The following FAM171A1 variants were observed in gnomAD, a reference collection of about 807,000 sequenced individuals.
FAM171A1 encodes protein FAM171A1.
FAM171A1 carries 23 observed loss-of-function variants against 74.9 expected under a neutral mutation model. The observed-to-expected ratio is 0.31, with a 90% CI of 0.22 to 0.44. The LOEUF (loss-of-function observed/expected upper bound fraction) is 0.44, where lower values mean the gene tolerates loss of function less well. FAM171A1 is among the 20% of genes least tolerant of loss of function. The pLI, the probability that FAM171A1 is intolerant of heterozygous loss-of-function variation, is 1.00. For missense variants in FAM171A1, 1,162 were observed against 1,159.2 expected (o/e 1.00, Z -0.03); for synonymous variants, 527 against 505.7 (o/e 1.04, Z -0.57).
chr10:15,265,329 G>A (rs897212151), intron 3 of FAM171A1, among the ~76,000 whole-genome samples: 4 of 151,954 alleles, frequency 2.6e-5, no homozygotes, highest in African/African-American at 9.7e-5. Context: ...AAGAAAATAA[G>A]TGGGTTGGGT....
chr10:15,324,451 G>A (rs1435206531), intron 1 of FAM171A1, among the ~76,000 whole-genome samples: 1 of 152,106 alleles, frequency 6.6e-6, no homozygotes, highest in African/African-American at 2.4e-5. Context: ...TCCCCATAAC[G>A]TATCGTGAAT....
intron 1 of FAM171A1, among the ~76,000 whole-genome samples, chr10:15,314,858 C>G (rs1302029792): frequency 1.3e-5 from 2 of 152,230 alleles, no homozygotes; most frequent in South Asian, 2.1e-4. Flanking sequence ...AGCACCCCTG[C>G]CACCTCGGCC....
At chr10:15,287,252 C>T (rs866819633) in intron 1 of FAM171A1, among the ~76,000 whole-genome samples, 8 of 151,454 alleles carry the variant, frequency 5.3e-5, no homozygotes, top group Non-Finnish European at 7.4e-5. Flanking sequence ...CCACCACATC[C>T]GGCTAATTTT....
Position 15,216,055 on chromosome 10 carries a change from A to C in FAM171A1, c.927T>G (p.Ile309Met). 1 of 1,612,236 alleles carries C rather than the reference A, an allele frequency of 6.2e-7. No homozygotes were observed. The highest frequency in any genetic ancestry group is 8.5e-7 in the Non-Finnish European group (1 of 1,179,734). ...TTYHTVFLLA[I>M]LGGMAFILLV... ...AAAGTATGAAAGCCATTCCTCCTAA[A>C]ATGGCCAAAAGAAACACCGTGTGAT... The change falls in exon 7 of 8, where the codon ATT becomes ATG. Residue 309 changes from isoleucine to methionine, a missense_variant. Physicochemically the swap from Ile to Met is conservative, Grantham distance 10. Coordinates refer to ENST00000378116, the MANE Select transcript of FAM171A1 (RefSeq NM_001010924.2).
intron 3 of FAM171A1, among the ~76,000 whole-genome samples, chr10:15,262,280 A>AG (rs1834667984): frequency 1.3e-5 from 2 of 152,218 alleles, no homozygotes; most frequent in African/African-American, 4.8e-5. Context: ...ATCAGGCAGG[A>AG]GGCTGCTATG....
intron 3 of FAM171A1, among the ~76,000 whole-genome samples, chr10:15,256,373 GGCTACACACT>G (rs1834580825): frequency 5.3e-5 from 8 of 152,132 alleles, no homozygotes; most frequent in Admixed American, 5.2e-4. Context: ...AGCCTGTCTT[GGCTACACACT>G]GCCTAACTGG....
At position 15,254,723 on chromosome 10, in the gene FAM171A1, G is replaced by T; in HGVS notation, c.575C>A (p.Thr192Lys). The T allele has an allele frequency of 6.2e-7, 1 of 1,613,890 alleles. No individual in the cohort carries two copies. The highest frequency in any genetic ancestry group is 1.3e-5 in the African/African-American group (1 of 75,036). Reference protein sequence around the residue: ...PYLRGLDGNGTGNSTRHDLTP... With the variant: ...PYLRGLDGNGKGNSTRHDLTP... ...AAAAGAGAAAAGACTCCAATTACCTGTTCCATTTCCGTCTAATCCTCGCAA... is the reference window on the plus strand; with the variant it reads ...AAAAGAGAAAAGACTCCAATTACCTTTTCCATTTCCGTCTAATCCTCGCAA... Residue 192 changes from threonine (T) to lysine (K), a missense_variant and splice_region_variant, in exon 4 of 8, where the codon ACA becomes AAA. Thr to Lys is a moderately conservative substitution (Grantham distance 78, BLOSUM62 -1). Coordinates refer to ENST00000378116, the MANE Select transcript of FAM171A1 (RefSeq NM_001010924.2).
At chr10:15,218,629 C>G (rs1431091626) in intron 6 of FAM171A1, among the ~76,000 whole-genome samples, 1 of 152,124 alleles carries the variant, frequency 6.6e-6, no homozygotes, top group African/African-American at 2.4e-5. Context: ...GGGTCTCACT[C>G]TGTCACCTAC....
intron 1 of FAM171A1, among the ~76,000 whole-genome samples, chr10:15,288,748 G>T (rs1197753581): frequency 6.8e-6 from 1 of 148,076 alleles, no homozygotes; most frequent in Admixed American, 6.7e-5. Flanking sequence ...TACGTTAAAA[G>T]AGATTGTTTA....
intron 3 of FAM171A1, among the ~76,000 whole-genome samples, chr10:15,266,991 A>G (rs1341230105): frequency 1.3e-5 from 2 of 152,188 alleles, no homozygotes; most frequent in African/African-American, 4.8e-5. Context: ...GACAGAAAGA[A>G]CTGGAGCTCC....
chr10:15,353,558 C>T (rs918777447), intron 1 of FAM171A1, among the ~76,000 whole-genome samples: 51 of 152,272 alleles, frequency 3.3e-4, no homozygotes, highest in African/African-American at 1.2e-3. Context: ...AAGAAAACGT[C>T]CTAAGTTCAG....
At position 15,242,749 on chromosome 10, in the gene FAM171A1, C is replaced by T. The variant is rs1385166077; in HGVS notation, c.754+5890G>A. Among the ~76,000 whole-genome samples, 4 of 152,214 alleles carry T rather than the reference C, an allele frequency of 2.6e-5. No homozygotes were observed. In the East Asian group the frequency reaches 5.8e-4, roughly 22 times the overall value. ...GAGGCTGCAGTGATCTGTGACTGCA[C>T]CACTGCATGCCAGTCTGGCTGACAG... On this transcript the variant is annotated intron_variant, in intron 5 of 7. Transcript: ENST00000378116.
chr10:15,277,924 T>C (rs913884190), intron 2 of FAM171A1, among the ~76,000 whole-genome samples: 10 of 152,116 alleles, frequency 6.6e-5, no homozygotes, highest in African/African-American at 2.4e-4. Flanking sequence ...GCCTGGCTAA[T>C]TGTGTATTTT....
chr10:15,213,291 T>C lies in FAM171A1; in HGVS notation c.2297A>G (p.Tyr766Cys). The C allele has an allele frequency of 1.2e-6, 2 of 1,613,796 alleles. No homozygotes were observed. The highest frequency in any genetic ancestry group is 1.7e-6 in the Non-Finnish European group (2 of 1,180,006). The change falls in exon 8 of 8, where the codon TAC becomes TGC. Residue 766 changes from tyrosine (Y) to cysteine (C), a missense_variant. Physicochemically the swap from Tyr to Cys is radical, Grantham distance 194. Coordinates refer to ENST00000378116, the MANE Select transcript of FAM171A1 (RefSeq NM_001010924.2). The surrounding 1 kb of genome is among the most constrained non-coding windows in gnomAD (Gnocchi z 6.8). ...CTGCTGGTGCTCTTGGACGGGCGGGTAGTTCTGCTGCAGAGACAAAGCATC... is the reference window on the plus strand; with the variant it reads ...CTGCTGGTGCTCTTGGACGGGCGGGCAGTTCTGCTGCAGAGACAAAGCATC... ...RGDALSLQQN[Y>C]PPVQEHQQKE...
In FAM171A1 at chr10:15,331,443, C is replaced by G. The variant is rs146559450; in HGVS notation, c.97+39513G>C. On this transcript the variant is annotated intron_variant, in intron 1 of 7. Coordinates refer to ENST00000378116, the MANE Select transcript of FAM171A1 (RefSeq NM_001010924.2). ...CTCCTGGACAGTTCTGGAAGTATCT[C>G]CCACCTATGAACACAGATGGGCACA... Among the ~76,000 whole-genome samples the G allele has an allele frequency of 3.0e-4, 45 of 152,202 alleles. 1 individual carries two copies. The highest frequency in any genetic ancestry group is 5.7e-4 in the Non-Finnish European group (39 of 68,008).
intron 5 of FAM171A1, among the ~76,000 whole-genome samples, chr10:15,245,392 G>T (rs1162115982): frequency 6.6e-6 from 1 of 152,200 alleles, no homozygotes; most frequent in African/African-American, 2.4e-5. Flanking sequence ...GAGTGAAGCA[G>T]ATCACTCTCC....
intron 1 of FAM171A1, among the ~76,000 whole-genome samples, chr10:15,342,017 T>C (rs73590814): frequency 0.096 from 14,647 of 152,212 alleles, 1,437 homozygotes; most frequent in African/African-American, 0.25. Flanking sequence ...CCTGATCCAC[T>C]AGTTCTGCAG....
At chr10:15,306,440 C>T (rs1274979134) in intron 1 of FAM171A1, among the ~76,000 whole-genome samples, 2 of 151,926 alleles carry the variant, frequency 1.3e-5, no homozygotes, top group Admixed American at 6.6e-5. Context: ...TCTTGACTCA[C>T]TGCCACCTCT....
In FAM171A1 at chr10:15,213,515, C is replaced by G; in HGVS notation, c.2073G>C (p.Lys691Asn). The stretch of plus-strand genomic sequence containing the variant: ...TCCCACCCCCAAGCTCCATCAGGGC[C>G]TTTTCAGTCAGGAGCTGCACCTCAC... ...MNSEVQLLTE[K>N]ALMELGGGKP... Residue 691 changes from lysine (K) to asparagine (N), a missense_variant, in exon 8 of 8, where the codon AAG (lysine) becomes AAC (asparagine). Coordinates refer to ENST00000378116, the MANE Select transcript of FAM171A1 (RefSeq NM_001010924.2). This position sits in a 1 kb window ranked among gnomAD's most constrained non-coding sequence, Gnocchi z 6.8. 1 of 1,614,162 alleles carries G rather than the reference C, an allele frequency of 6.2e-7. No individual in the cohort carries two copies. The highest frequency in any genetic ancestry group is 1.1e-5 in the South Asian group (1 of 91,084).
Sources: gnomAD v4.1 joint callset for allele counts (sites outside exome capture counted in the v4.1 genomes callset) on GRCh38, gnomAD v4.1.1 for gene constraint, Gnocchi (gnomAD v3.1) non-coding constraint, MANE v1.5 for transcripts, NCBI Gene and HGNC (gene_info 2026-07-23, HGNC 2026-07-21) for gene names.